FAM234A: variants seen among roughly 807,000 people sequenced by gnomAD.
FAM234A encodes the protein protein FAM234A.
A neutral mutation model predicts 49.1 loss-of-function variants in FAM234A; 42 were observed. That is an observed-to-expected ratio of 0.86 (90% CI 0.67 to 1.11). The LOEUF (loss-of-function observed/expected upper bound fraction) is 1.11, where lower values mean the gene tolerates loss of function less well. Ranked by LOEUF, FAM234A falls within the 50% of genes least tolerant of loss-of-function variation. The pLI, the probability that FAM234A is intolerant of heterozygous loss-of-function variation, is 0.00. For missense variants in FAM234A, 815 were observed against 745.2 expected (o/e 1.09, Z -1.09); for synonymous variants, 369 against 316.2 (o/e 1.17, Z -1.77).
At chr16:267,480 C>T (rs1402088058), downstream of FAM234A, among the ~76,000 whole-genome samples, 2 of 152,114 alleles carry the variant, frequency 1.3e-5, no homozygotes, top group African/African-American at 4.8e-5. Flanking sequence ...CATGTGCACA[C>T]CTCATACATG....
chr16:264,118 C>T lies in FAM234A; in HGVS notation c.1291C>T (p.Arg431Cys), dbSNP rs746493202. ...LSASLPTADH[R>C]SAFFFWGLHE... is the part of the protein sequence containing the mutation. ...CGCCAGCCTGCCGACCGCAGACCAC[C>T]GCTCAGCCTTCTTCTTCTGGGGCCT... Residue 431 changes from arginine to cysteine, a missense_variant, in exon 11 of 13, where the codon CGC becomes TGC. Physicochemically the swap from Arg to Cys is radical, Grantham distance 180 (BLOSUM62 -3). Coordinates refer to ENST00000399932, the MANE Select transcript of FAM234A (RefSeq NM_032039.4). The T allele has an allele frequency of 6.2e-6, 10 of 1,610,870 alleles. No individual in the cohort carries two copies. The highest frequency in any genetic ancestry group is 2.7e-5 in the African/African-American group (2 of 74,924).
At chr16:244,338 A>G (rs1383827379) in intron 1 of FAM234A, among the ~76,000 whole-genome samples, 2 of 152,318 alleles carry the variant, frequency 1.3e-5, no homozygotes, top group South Asian at 2.1e-4. Flanking sequence ...GTAACATGCC[A>G]GGGGTTTGGC....
intron 5 of FAM234A, chr16:260,832 A>G (rs2051435069): frequency 2.7e-6 from 1 of 370,672 alleles, no homozygotes; most frequent in Non-Finnish European, 5.6e-6. Flanking sequence ...GGTTTGGATG[A>G]GATTGTATGT....
At chr16:268,437 C>T (rs926362922), downstream of FAM234A, 4 of 383,354 alleles carry the variant, frequency 1.0e-5, no homozygotes, top group East Asian at 5.4e-5. Context: ...GCTGCACCCC[C>T]GAAAGGAGCC....
At position 265,294 on chromosome 16, in the gene FAM234A, C is replaced by G; in HGVS notation, c.*272C>G. The G allele has an allele frequency of 7.9e-7, 1 of 1,269,142 alleles. No homozygotes were observed. The allele number at this position is 1,269,142 out of a possible 1,614,324, so 78.6% of individuals were successfully genotyped here. ...GCACCCCACCAGGGTCCCGCTCACA[C>G]CAGGCAGCCTTCATAGTGGTCTCCC... On this transcript the variant is annotated 3_prime_UTR_variant, in exon 13 of 13. Coordinates refer to ENST00000399932, the MANE Select transcript of FAM234A (RefSeq NM_032039.4).
intron 1 of FAM234A, among the ~76,000 whole-genome samples, chr16:238,562 C>G (rs61048983): frequency 0.17 from 25,651 of 151,606 alleles, 2,563 homozygotes; most frequent in East Asian, 0.36. Flanking sequence ...GTCAGGAGAT[C>G]GAGACCATCC....
At chr16:253,210 C>G (rs2051091022) in intron 2 of FAM234A, among the ~76,000 whole-genome samples, 1 of 152,148 alleles carries the variant, frequency 6.6e-6, no homozygotes, top group East Asian at 1.9e-4. Context: ...CCCACCGCAT[C>G]CACCCCCGGT....
chr16:263,558 C>A (rs2141365599), intron 9 of FAM234A, 142 bp from the exon 10 acceptor site: 1 of 1,281,488 alleles, frequency 7.8e-7, no homozygotes, highest in Non-Finnish European at 1.1e-6. Context: ...TTGCCCCTTG[C>A]CCCAGACGTC....
chr16:264,150 G>A lies in FAM234A; in HGVS notation c.1323G>A (p.Glu441=), dbSNP rs765594311. Residue 441 remains glutamate (E), a synonymous_variant, in exon 11 of 13, where the codon GAG becomes GAA. Transcript: ENST00000399932. ...RSAFFFWGLH[E]LGSTSETETG... is the part of the protein sequence containing the mutation. Reference sequence around the variant, plus strand: ...CCTTCTTCTTCTGGGGCCTCCACGAGCTGGGGAGCACCAGCGAGACGGTAC... The same window carrying A: ...CCTTCTTCTTCTGGGGCCTCCACGAACTGGGGAGCACCAGCGAGACGGTAC... The A allele has an allele frequency of 5.0e-6, 8 of 1,605,220 alleles. No individual in the cohort carries two copies. Among genetic ancestry groups the A allele is most frequent in the Non-Finnish European group, 5.9e-6 (7 of 1,178,920 alleles).
At chr16:260,503 C>T (rs567328705) in intron 5 of FAM234A, 2 of 492,376 alleles carry the variant, frequency 4.1e-6, no homozygotes, top group Admixed American at 2.4e-5. Flanking sequence ...TGGCAGTGCC[C>T]AGGGCGAGCC....
intron 1 of FAM234A, among the ~76,000 whole-genome samples, chr16:235,465 G>A (rs774342141): frequency 4.6e-5 from 7 of 152,272 alleles, no homozygotes; most frequent in South Asian, 2.1e-4. Flanking sequence ...TGGGATTAGC[G>A]TTCCTGGCTC....
At chr16:240,801 T>G (rs1417944341) in intron 1 of FAM234A, among the ~76,000 whole-genome samples, 4 of 152,084 alleles carry the variant, frequency 2.6e-5, no homozygotes, top group African/African-American at 9.6e-5. Flanking sequence ...CACACCCAGC[T>G]GGGCTTATTA....
intron 3 of FAM234A, among the ~76,000 whole-genome samples, chr16:258,055 C>G (rs1017624739): frequency 6.6e-6 from 1 of 151,920 alleles, no homozygotes; most frequent in Admixed American, 6.6e-5. Context: ...AAGGTTTCAC[C>G]GTATTAGCCA....
chr16:269,722 C>T (rs558254672), downstream of FAM234A: 164 of 677,594 alleles, frequency 2.4e-4, 1 homozygote, highest in African/African-American at 1.8e-3. Context: ...TGGAGGCAGC[C>T]GCCTCGGACC....
In FAM234A at chr16:260,160, G is replaced by C; in HGVS notation, c.577G>C (p.Gly193Arg). The change falls in exon 5 of 13, where the codon GGG (glycine) becomes CGG (arginine). Residue 193 changes from glycine (G) to arginine (R), a missense_variant and splice_region_variant. By Grantham distance (125) the Gly-to-Arg change is moderately radical. Coordinates refer to ENST00000399932, the MANE Select transcript of FAM234A (RefSeq NM_032039.4). ...TTTCATTGCAGTCAACTTGTTCACA[G>C]GTAGGCCAGCCAGGCAGCGGGGTTC... ...SSFIAVNLFT[G>R]ETLWNHSSSF... is the part of the protein sequence containing the mutation. 1.9e-6 allele frequency: 3 copies of C among 1,613,242 alleles called. No homozygotes were observed. The highest frequency in any genetic ancestry group is 2.5e-6 in the Non-Finnish European group (3 of 1,179,814).
Position 254,619 on chromosome 16 carries a change from T to C in FAM234A, c.206T>C (p.Val69Ala), listed in dbSNP as rs752795253. 5.8e-5 allele frequency: 94 copies of C among 1,614,086 alleles called. No homozygotes were observed. Among genetic ancestry groups the C allele is most frequent in the Non-Finnish European group, 8.5e-7 (1 of 1,180,006 alleles). The change falls in exon 3 of 13, where the codon GTC (valine) becomes GCC (alanine). Residue 69 changes from valine (V) to alanine (A), a missense_variant. Val to Ala is a moderately conservative substitution (Grantham distance 64, BLOSUM62 0). Coordinates refer to ENST00000399932, the MANE Select transcript of FAM234A (RefSeq NM_032039.4). The stretch of plus-strand genomic sequence containing the variant: ...TTTGTGGTGTTCGTCGTCTCATTCG[T>C]CATCCCGTGTCCAGACCGGCCGGCG... ...CLFVVFVVSF[V>A]IPCPDRPASQ...
chr16:267,550 TCA>T (rs72435237), downstream of FAM234A, among the ~76,000 whole-genome samples: 2,744 of 123,110 alleles, frequency 0.022, 6 homozygotes, highest in East Asian at 0.068. Flanking sequence ...CATGCATGCC[TCA>T]CAGTACACCT....
At chr16:244,085 C>T (rs2050710906) in intron 1 of FAM234A, among the ~76,000 whole-genome samples, 2 of 152,020 alleles carry the variant, frequency 1.3e-5, no homozygotes, top group Admixed American at 1.3e-4. Flanking sequence ...TCTCCTGCCT[C>T]AGCCTCCTGA....
downstream of FAM234A, among the ~76,000 whole-genome samples, chr16:267,476 C>A (rs2051722411): frequency 6.8e-6 from 1 of 146,556 alleles, no homozygotes; most frequent in African/African-American, 2.6e-5. Context: ...TATACATGTG[C>A]ACACCTCATA....
Sources: allele counts gnomAD v4.1 joint callset (sites outside exome capture counted in the v4.1 genomes callset), GRCh38; gene constraint gnomAD v4.1.1; transcripts MANE v1.5; gene names NCBI Gene and HGNC (gene_info 2026-07-23, HGNC 2026-07-21).